The following XKR4 variants were observed in gnomAD, a reference collection of about 807,000 sequenced individuals.
XKR4 encodes XK related 4, also known as XK-related protein 4.
XKR4 carries 12 observed loss-of-function variants against 53.9 expected under a neutral mutation model. That is an observed-to-expected ratio of 0.22 (90% confidence interval 0.14 to 0.36). The LOEUF is 0.36. XKR4 is among the 10% of genes least tolerant of loss of function. XKR4 has a pLI of 1.00. For missense variants in XKR4, 799 were observed against 859.5 expected, an observed-to-expected ratio of 0.93 and a Z score of 0.88; for synonymous variants, 354 against 362.4, an observed-to-expected ratio of 0.98 and a Z score of 0.26.
intron 2 of XKR4, among the ~76,000 whole-genome samples, chr8:55,519,813 A>C (rs1222207066): frequency 6.6e-6 from 1 of 152,238 alleles, no homozygotes; most frequent in Non-Finnish European, 1.5e-5. Context: ...TTTTAGGATA[A>C]AGGACCATAA....
chr8:55,444,730 T>C (rs975269817), intron 2 of XKR4, among the ~76,000 whole-genome samples: 1 of 152,220 alleles, frequency 6.6e-6, no homozygotes, highest in Non-Finnish European at 1.5e-5. Flanking sequence ...TGGGAATGTA[T>C]GTTACTTTAT....
At chr8:55,332,916 TTTC>T (rs1803402003) in intron 1 of XKR4, among the ~76,000 whole-genome samples, 1 of 151,958 alleles carries the variant, frequency 6.6e-6, no homozygotes, top group Admixed American at 6.6e-5. Flanking sequence ...ATTTACTTTT[TTTC>T]TTCTTTTTTT....
chr8:55,351,966 G>A (rs1437847023), intron 1 of XKR4, among the ~76,000 whole-genome samples: 1 of 152,154 alleles, frequency 6.6e-6, no homozygotes, highest in Non-Finnish European at 1.5e-5. Flanking sequence ...TCCATAAAAG[G>A]ATGCATGTTA....
chr8:55,104,741 GTTGGAACC>G, intron 1 of XKR4, among the ~76,000 whole-genome samples: 1 of 45,554 alleles, frequency 2.2e-5, no homozygotes, highest in African/African-American at 7.7e-5. Context: ...ACAAATTGAT[GTTGGAACC>G]TTCATACATA....
chr8:55,450,838 C>T, intron 2 of XKR4: 1 of 486,070 alleles, frequency 2.1e-6, no homozygotes. Flanking sequence ...GTCCTCCAGG[C>T]CCATCAGCAC....
chr8:55,452,010 A>C (rs1805456158), intron 2 of XKR4: 1 of 770,134 alleles, frequency 1.3e-6, no homozygotes, highest in South Asian at 1.4e-5. Flanking sequence ...GGTCTTCTTG[A>C]CGTTCTTAAC....
intron 1 of XKR4, among the ~76,000 whole-genome samples, chr8:55,217,366 G>A (rs1817817878): frequency 6.6e-6 from 1 of 151,574 alleles, no homozygotes; most frequent in African/African-American, 2.4e-5. Flanking sequence ...AAACTACAAA[G>A]TGACACCACT....
chr8:55,188,828 C>A (rs1817410045), intron 1 of XKR4, among the ~76,000 whole-genome samples: 1 of 152,158 alleles, frequency 6.6e-6, no homozygotes, highest in Non-Finnish European at 1.5e-5. Flanking sequence ...AATCAAAATA[C>A]CTACTAATAG....
intron 2 of XKR4, among the ~76,000 whole-genome samples, chr8:55,414,930 A>G (rs992575254): frequency 6.6e-6 from 1 of 152,208 alleles, no homozygotes; most frequent in Non-Finnish European, 1.5e-5. Context: ...TTTAACTCAC[A>G]AAGCTCCAGA....
chr8:55,144,389 C>G (rs1006074148), intron 1 of XKR4, among the ~76,000 whole-genome samples: 1 of 151,746 alleles, frequency 6.6e-6, no homozygotes, highest in Non-Finnish European at 1.5e-5. Flanking sequence ...AAAAAAAATT[C>G]TATAATAAGA....
At chr8:55,516,562 T>A (rs1208274630) in intron 2 of XKR4, among the ~76,000 whole-genome samples, 1 of 152,014 alleles carries the variant, frequency 6.6e-6, no homozygotes, top group Non-Finnish European at 1.5e-5. Flanking sequence ...GACAGGGAAA[T>A]GATATGAGAA....
At chr8:55,126,919 AT>A (rs1398059177) in intron 1 of XKR4, among the ~76,000 whole-genome samples, 13 of 152,370 alleles carry the variant, frequency 8.5e-5, no homozygotes, top group African/African-American at 3.1e-4. Context: ...TTTTCAAAAA[AT>A]CTTAAACAGG....
At chr8:55,293,379 T>C (rs559467507) in intron 1 of XKR4, among the ~76,000 whole-genome samples, 64 of 152,278 alleles carry the variant, frequency 4.2e-4, no homozygotes, top group African/African-American at 1.5e-3. Context: ...TATAAGCTCT[T>C]TTATAAGAAG....
At chr8:55,451,637 G>A (rs1320885383) in intron 2 of XKR4, 3 of 1,549,418 alleles carry the variant, frequency 1.9e-6, no homozygotes, top group Admixed American at 1.8e-5. Flanking sequence ...TAGGACACGC[G>A]CTGCAGGGCG....
chr8:55,426,847 T>C (rs934361528), intron 2 of XKR4, among the ~76,000 whole-genome samples: 1 of 152,238 alleles, frequency 6.6e-6, no homozygotes, highest in Non-Finnish European at 1.5e-5. Flanking sequence ...AATGTCCTAG[T>C]ATAGGCAACA....
At chr8:55,280,149 A>G (rs530074976) in intron 1 of XKR4, among the ~76,000 whole-genome samples, 2 of 152,326 alleles carry the variant, frequency 1.3e-5, no homozygotes, top group Admixed American at 6.5e-5. Context: ...GTGTCAGGAG[A>G]GCACAGAAAA....
chr8:55,521,899 T>C (rs1327376453), intron 2 of XKR4, among the ~76,000 whole-genome samples: 2 of 152,198 alleles, frequency 1.3e-5, no homozygotes, highest in Non-Finnish European at 2.9e-5. Context: ...TTCTATTATA[T>C]CCAAAAGAAG....
chr8:55,389,028 A>G (rs1421006305), intron 2 of XKR4, among the ~76,000 whole-genome samples: 1 of 152,178 alleles, frequency 6.6e-6, no homozygotes, highest in Non-Finnish European at 1.5e-5. Context: ...ATTTAATATA[A>G]CAGGTCTTCT....
At position 55,485,723 on chromosome 8, in the gene XKR4, A is replaced by G. The variant is rs144948366; in HGVS notation, c.1007-37558A>G. 1.2e-3 allele frequency among the ~76,000 whole-genome samples: 175 copies of G among 152,140 alleles called. 1 individual carries two copies. The highest frequency in any genetic ancestry group is 4.1e-3 in the African/African-American group (171 of 41,534). ...CTAAGTGTTTCTTTTTCTACTGGTT[A>G]TAGAGCTGGCTACTGTACTCCTTCT... On this transcript the variant is annotated intron_variant, in intron 2 of 2. Coordinates refer to ENST00000327381, the MANE Select transcript of XKR4 (RefSeq NM_052898.2).
Sources: allele counts gnomAD v4.1 joint callset (sites outside exome capture counted in the v4.1 genomes callset), GRCh38; gene constraint gnomAD v4.1.1; transcripts MANE v1.5; gene names NCBI Gene and HGNC (gene_info 2026-07-23, HGNC 2026-07-21).